Variants in PARVA observed in about 807,000 individuals in gnomAD.
The protein encoded by PARVA is parvin alpha.
A neutral mutation model predicts 52.6 loss-of-function variants in PARVA; 25 were observed. The ratio of observed to expected loss-of-function variants is 0.48; its 90% CI spans 0.35 to 0.66. The LOEUF (loss-of-function observed/expected upper bound fraction) is 0.66, where lower values mean the gene tolerates loss of function less well. PARVA is among the 30% of genes least tolerant of loss of function. The pLI is 0.01. For synonymous variants in PARVA, 185 were observed against 179.1 expected, an observed-to-expected ratio of 1.03 and a Z score of -0.26; for missense variants, 373 against 450.9, an observed-to-expected ratio of 0.83 and a Z score of 1.56.
chr11:12,481,690 C>G (rs372835788), intron 4 of PARVA, among the ~76,000 whole-genome samples: 1 of 152,138 alleles, frequency 6.6e-6, no homozygotes. Context: ...CATGACTGTT[C>G]CCAGAAATCC....
chr11:12,467,742 G>T (rs573536115), intron 1 of PARVA, among the ~76,000 whole-genome samples: 1 of 152,296 alleles, frequency 6.6e-6, no homozygotes, highest in South Asian at 2.1e-4. Context: ...CATCTCACTG[G>T]GGCCCACTGG....
intron 1 of PARVA, among the ~76,000 whole-genome samples, chr11:12,432,151 A>G (rs1190181804): frequency 6.6e-6 from 1 of 152,230 alleles, no homozygotes; most frequent in Non-Finnish European, 1.5e-5. Flanking sequence ...TTACTACTAT[A>G]GTTGAGTAGT....
intron 1 of PARVA, among the ~76,000 whole-genome samples, chr11:12,392,991 TTTA>T (rs3045429): frequency 0.22 from 31,800 of 147,830 alleles, 4,282 homozygotes; most frequent in African/African-American, 0.38. Context: ...ATCACTGGCT[TTTA>T]TTATTAAATT....
chr11:12,533,872 GA>G lies in PARVA; in HGVS notation c.*5955del, dbSNP rs959162345. On this transcript the variant is annotated 3_prime_UTR_variant, in exon 13 of 13. Transcript: ENST00000334956. ...TGCTGTCTGAGGGGTGGCAGAGGCAGAAAAAAAATCCATGGGCCGAGCACGG... is the reference window on the plus strand; with the variant it reads ...TGCTGTCTGAGGGGTGGCAGAGGCAGAAAAAAATCCATGGGCCGAGCACGG... Among the ~76,000 whole-genome samples the G allele has an allele frequency of 3.3e-5, 5 of 151,786 alleles. No individual in the cohort carries two copies. Among genetic ancestry groups the G allele is most frequent in the Non-Finnish European group, 5.9e-5 (4 of 67,896 alleles).
chr11:12,529,549 G>GTGAC lies in PARVA; in HGVS notation c.*1626_*1629dup, dbSNP rs1407898415. ...CCCAAGTACCCTCCTCCAGAAGTCT[G>GTGAC]TGACTACCTTGTCACTACTTTAGGC... On this transcript the variant is annotated 3_prime_UTR_variant, in exon 13 of 13. Coordinates refer to ENST00000334956, the MANE Select transcript of PARVA (RefSeq NM_018222.5). 6.6e-6 allele frequency: 1 copy of GTGAC among 152,158 alleles called. No individual in the cohort carries two copies. The highest frequency in any genetic ancestry group is 1.5e-5 in the Non-Finnish European group (1 of 68,020). The allele number at this position is 152,158 out of a possible 1,614,324, so 9.4% of individuals were successfully genotyped here.
rs1270049783 is a variant in PARVA at position 12,534,679 on chromosome 11, AG to A, written c.*6756del. Among the ~76,000 whole-genome samples the A allele has an allele frequency of 8.5e-5, 13 of 152,250 alleles. No individual in the cohort carries two copies. Among genetic ancestry groups the A allele is most frequent in the Non-Finnish European group, 5.9e-5 (4 of 68,040 alleles). ...AGTGTGATATTTTATTGAGGTAGAC[AG>A]GACAATAGATAAATATTTAATCTGT... On this transcript the variant is annotated 3_prime_UTR_variant, in exon 13 of 13. Coordinates refer to ENST00000334956, the MANE Select transcript of PARVA (RefSeq NM_018222.5).
intron 11 of PARVA, 89 bp downstream of exon 11, chr11:12,517,800 G>T: frequency 1.1e-6 from 1 of 882,962 alleles, no homozygotes; most frequent in Non-Finnish European, 1.8e-6. Flanking sequence ...CCAGAAAAAA[G>T]GCAGAAGCTT....
intron 1 of PARVA, among the ~76,000 whole-genome samples, chr11:12,395,161 C>CT (rs1468735346): frequency 6.6e-6 from 1 of 150,996 alleles, no homozygotes. Context: ...CTTGCAGATA[C>CT]TTTATTTTTG....
intron 1 of PARVA, among the ~76,000 whole-genome samples, chr11:12,446,380 C>T (rs1267040320): frequency 2.0e-5 from 3 of 152,170 alleles, no homozygotes; most frequent in Admixed American, 2.0e-4. Flanking sequence ...CAGAGATACA[C>T]CCATACACTC....
intron 1 of PARVA, among the ~76,000 whole-genome samples, chr11:12,468,931 C>T (rs1406559278): frequency 6.6e-6 from 1 of 152,170 alleles, no homozygotes; most frequent in Non-Finnish European, 1.5e-5. Context: ...CCAGAATTGA[C>T]ATGATGATGC....
chr11:12,405,592 A>C (rs1010967576), intron 1 of PARVA, among the ~76,000 whole-genome samples: 1 of 151,988 alleles, frequency 6.6e-6, no homozygotes, highest in Non-Finnish European at 1.5e-5. Flanking sequence ...ACAAAAAATA[A>C]ACCATAGTGT....
chr11:12,394,248 G>T (rs1001366107), intron 1 of PARVA, among the ~76,000 whole-genome samples: 22 of 152,162 alleles, frequency 1.4e-4, no homozygotes, highest in African/African-American at 4.8e-5. Context: ...GGAAGGGATT[G>T]AAGGGAAGAA....
chr11:12,493,596 A>G (rs981931366), intron 4 of PARVA, among the ~76,000 whole-genome samples: 3 of 141,572 alleles, frequency 2.1e-5, no homozygotes, highest in African/African-American at 7.8e-5. Flanking sequence ...TCTCCTAAAT[A>G]AGAAATACCA....
intron 3 of PARVA, among the ~76,000 whole-genome samples, chr11:12,475,429 T>G (rs925929317): frequency 1.3e-5 from 2 of 152,242 alleles, no homozygotes; most frequent in African/African-American, 2.4e-5. Flanking sequence ...AATGGTGAGC[T>G]TCTTGGGGTT....
chr11:12,441,498 A>G (rs757549593), intron 1 of PARVA, among the ~76,000 whole-genome samples: 8 of 152,330 alleles, frequency 5.3e-5, no homozygotes, highest in Admixed American at 2.0e-4. Flanking sequence ...TAAAGCCTCC[A>G]GGATCTTGTT....
At chr11:12,489,661 A>G (rs1941206625) in intron 4 of PARVA, among the ~76,000 whole-genome samples, 1 of 151,888 alleles carries the variant, frequency 6.6e-6, no homozygotes, top group African/African-American at 2.4e-5. Context: ...TAGTATAAGT[A>G]GTGACAAATC....
At chr11:12,377,382 T>G, upstream of PARVA, 1 of 1,352,626 alleles carries the variant, frequency 7.4e-7, no homozygotes, top group Non-Finnish European at 9.4e-7. Context: ...CAAGGGGCAG[T>G]TTTGGGGCAT....
chr11:12,409,623 G>A (rs983318046), intron 1 of PARVA, among the ~76,000 whole-genome samples: 3 of 152,140 alleles, frequency 2.0e-5, no homozygotes, highest in Non-Finnish European at 4.4e-5. Flanking sequence ...GGAGTAAGGG[G>A]CCACAAACCA....
intron 1 of PARVA, among the ~76,000 whole-genome samples, chr11:12,435,886 C>T (rs1316161733): frequency 6.6e-6 from 1 of 152,076 alleles, no homozygotes; most frequent in Non-Finnish European, 1.5e-5. Flanking sequence ...GGCGTGATCT[C>T]GGCTCACTGC....
Sources: gnomAD v4.1 joint callset for allele counts (sites outside exome capture counted in the v4.1 genomes callset) on GRCh38, gnomAD v4.1.1 for gene constraint, MANE v1.5 for transcripts, NCBI Gene and HGNC (gene_info 2026-07-23, HGNC 2026-07-21) for gene names.